The following XYLB variants were observed in gnomAD, a reference collection of about 807,000 sequenced individuals.
XYLB encodes the protein xylulokinase.
A neutral mutation model predicts 78.7 loss-of-function variants in XYLB; 62 were observed. The observed-to-expected ratio is 0.79, with a 90% CI of 0.64 to 0.97. The LOEUF is 0.97. Ranked by LOEUF, XYLB falls within the 50% of genes least tolerant of loss-of-function variation. The pLI is 0.00. For missense variants in XYLB, 687 were observed against 676.8 expected (o/e 1.02, Z -0.17); for synonymous variants, 245 against 247.4 (o/e 0.99, Z 0.09).
intron 15 of XYLB, among the ~76,000 whole-genome samples, chr3:38,389,396 TC>T (rs1236587314): frequency 6.6e-6 from 1 of 151,838 alleles, no homozygotes; most frequent in East Asian, 1.9e-4. Flanking sequence ...TCCCCACCTT[TC>T]CCCCTTTTCT....
At chr3:38,355,301 A>G (rs1186692580) in intron 2 of XYLB, among the ~76,000 whole-genome samples, 3 of 152,236 alleles carry the variant, frequency 2.0e-5, no homozygotes, top group Non-Finnish European at 4.4e-5. Flanking sequence ...AGCTACTGTT[A>G]GCTACCTATG....
chr3:38,431,886 G>T, the XYLB span, among the ~76,000 whole-genome samples: 28 of 152,170 alleles, frequency 1.8e-4, no homozygotes, highest in African/African-American at 6.0e-4. Context: ...TGGGGAAACT[G>T]CCCCCATGAT....
rs987358249 is a variant in XYLB, at chr3:38,414,098, C to T, written c.*1085C>T. ...CTCTGTGATCTGACTCCTGCAGACT[C>T]TTCCAGATTTTTCTGCCCAAGGCCT... On this transcript the variant is annotated 3_prime_UTR_variant, in exon 19 of 19. Coordinates refer to ENST00000207870, the MANE Select transcript of XYLB (RefSeq NM_005108.4). 2 of 152,214 alleles carry T rather than the reference C, an allele frequency of 1.3e-5. No individual in the cohort carries two copies. Among genetic ancestry groups the T allele is most frequent in the African/African-American group, 4.8e-5 (2 of 41,446 alleles). The allele number at this position is 152,214 out of a possible 1,614,324, so 9.4% of individuals were successfully genotyped here. A position where few individuals can be genotyped will look rare whatever the true frequency, so the allele number is the denominator to read the frequency against.
rs757664788 is a variant in XYLB, at chr3:38,370,084, GGA to G, written c.676_677del (p.Asp226Ter). The G allele has an allele frequency of 2.5e-6, 4 of 1,614,204 alleles. No homozygotes were observed. The East Asian group carries it at 8.9e-5, about 36-fold the overall frequency. On this transcript the variant is annotated frameshift_variant, in exon 9 of 19. Coordinates refer to ENST00000207870, the MANE Select transcript of XYLB (RefSeq NM_005108.4). LOFTEE classifies it high-confidence loss of function. ...CTGGAATGAATTTGTTGCAGATACA[GGA>G]TAAAGTCTGGTCCCAGGCTTGCCTT... ...GSGMNLLQIQ[D>X]KVWSQACLGA... is the part of the protein sequence containing the mutation.
chr3:38,449,600 A>C, the XYLB span, among the ~76,000 whole-genome samples: 9 of 152,210 alleles, frequency 5.9e-5, no homozygotes, highest in African/African-American at 1.9e-4. Flanking sequence ...ATTCAAAAAC[A>C]ATGCAGCCAA....
At chr3:38,444,209 C>CTACCTTAATCTGCTTTAAATCA in the XYLB span, among the ~76,000 whole-genome samples, 1 of 152,196 alleles carries the variant, frequency 6.6e-6, no homozygotes, top group Non-Finnish European at 1.5e-5. Context: ...TTCCCCAGGT[C>CTACCTTAATCTGCTTTAAATCA]TACCTTAATC....
intron 15 of XYLB, among the ~76,000 whole-genome samples, chr3:38,384,360 C>G (rs1707288200): frequency 6.6e-6 from 1 of 152,198 alleles, no homozygotes; most frequent in South Asian, 2.1e-4. Flanking sequence ...GCCACCGTGC[C>G]TGGCCATTGT....
At chr3:38,404,936 C>T (rs974143916) in intron 18 of XYLB, among the ~76,000 whole-genome samples, 11 of 152,242 alleles carry the variant, frequency 7.2e-5, no homozygotes, top group Admixed American at 3.3e-4. Context: ...CAGGAAAATC[C>T]GGGTCCTTGG....
At chr3:38,349,503 T>C (rs1315515269) in intron 2 of XYLB, among the ~76,000 whole-genome samples, 1 of 152,174 alleles carries the variant, frequency 6.6e-6, no homozygotes, top group African/African-American at 2.4e-5. Context: ...CATTCAGGTA[T>C]GAAATGATGG....
At chr3:38,375,906 A>C (rs991215908) in intron 12 of XYLB, among the ~76,000 whole-genome samples, 1 of 152,126 alleles carries the variant, frequency 6.6e-6, no homozygotes, top group Non-Finnish European at 1.5e-5. Context: ...AGCCCAAGAC[A>C]AGGGCGTTTC....
At position 38,376,955 on chromosome 3, in the gene XYLB, T is replaced by C. The variant is rs767881749; in HGVS notation, c.1158T>C (p.Ile386=). 1.9e-5 allele frequency: 31 copies of C among 1,614,136 alleles called. No homozygotes were observed. The highest frequency in any genetic ancestry group is 3.3e-4 in the Middle Eastern group (2 of 6,062). The change falls in exon 14 of 19, where the codon ATT becomes ATC. Residue 386 remains isoleucine, a synonymous_variant. Coordinates refer to ENST00000207870, the MANE Select transcript of XYLB (RefSeq NM_005108.4). The part of the protein sequence containing the change: ...YFDVMEITPE[I]IGRHRFNTEN... The stretch of plus-strand genomic sequence containing the variant: ...ATGTAATGGAGATCACCCCTGAAAT[T>C]ATTGGACGTCATAGGTTTAACACAG...
intron 2 of XYLB, among the ~76,000 whole-genome samples, chr3:38,351,629 G>T (rs1705368542): frequency 6.6e-6 from 1 of 152,110 alleles, no homozygotes; most frequent in Admixed American, 6.6e-5. Flanking sequence ...AAGACAATGA[G>T]TATTTCCATG....
chr3:38,393,237 A>G (rs1423542687), intron 15 of XYLB, among the ~76,000 whole-genome samples: 1 of 151,604 alleles, frequency 6.6e-6, no homozygotes, highest in Non-Finnish European at 1.5e-5. Flanking sequence ...TGCAACCTCC[A>G]CCTCCTGGGT....
intron 18 of XYLB, among the ~76,000 whole-genome samples, chr3:38,406,396 C>G (rs530566093): frequency 6.6e-6 from 1 of 152,326 alleles, no homozygotes; most frequent in South Asian, 2.1e-4. Context: ...ACATCACCAT[C>G]ATCAGAGACC....
downstream of XYLB, chr3:38,415,065 G>C (rs1708742903): frequency 6.6e-6 from 1 of 152,194 alleles, no homozygotes; most frequent in Non-Finnish European, 1.5e-5. Context: ...CTGAGACATA[G>C]CCTACCAACT....
chr3:38,450,663 C>T, the XYLB span, among the ~76,000 whole-genome samples: 137 of 152,284 alleles, frequency 9.0e-4, no homozygotes, highest in Non-Finnish European at 1.7e-3. Flanking sequence ...AAATAGAACT[C>T]GTTTTTCAAA....
intron 2 of XYLB, among the ~76,000 whole-genome samples, chr3:38,352,060 C>T (rs113304673): frequency 0.032 from 4,846 of 152,122 alleles, 115 homozygotes; most frequent in African/African-American, 0.062. Flanking sequence ...CTGAGTTATA[C>T]GGCAGGTATA....
chr3:38,421,610 G>A (rs538085096), downstream of XYLB, among the ~76,000 whole-genome samples: 1 of 151,872 alleles, frequency 6.6e-6, no homozygotes, highest in East Asian at 2.0e-4. Flanking sequence ...ATATAAGGAT[G>A]GTGTTGGGGA....
chr3:38,358,658 A>C (rs542019277), intron 2 of XYLB, among the ~76,000 whole-genome samples: 66 of 152,242 alleles, frequency 4.3e-4, no homozygotes, highest in African/African-American at 1.4e-3. Context: ...TGCCAGTTTT[A>C]AGTTGTTAAA....
Sources: allele counts gnomAD v4.1 joint callset (sites outside exome capture counted in the v4.1 genomes callset), GRCh38; gene constraint gnomAD v4.1.1; transcripts MANE v1.5; gene names NCBI Gene and HGNC (gene_info 2026-07-23, HGNC 2026-07-21).